Variants in ATXN7L1 observed in about 807,000 individuals in gnomAD.
ATXN7L1 encodes the protein ataxin 7 like 1, also known as ataxin-7-like protein 1.
A neutral mutation model predicts 70.8 loss-of-function variants in ATXN7L1; 15 were observed. The ratio of observed to expected loss-of-function variants is 0.21; its 90% CI spans 0.14 to 0.33. The LOEUF (loss-of-function observed/expected upper bound fraction) is 0.33, where lower values mean the gene tolerates loss of function less well. Ranked by LOEUF, ATXN7L1 falls within the 10% of genes least tolerant of loss-of-function variation. The pLI, the probability that ATXN7L1 is intolerant of heterozygous loss-of-function variation, is 1.00. For synonymous variants in ATXN7L1, 440 were observed against 445.1 expected (o/e 0.99, Z 0.14); for missense variants, 975 against 1,097.1 (o/e 0.89, Z 1.57).
intron 3 of ATXN7L1, among the ~76,000 whole-genome samples, chr7:105,736,568 C>T (rs895018683): frequency 3.9e-5 from 6 of 152,190 alleles, no homozygotes; most frequent in African/African-American, 1.4e-4. Flanking sequence ...CAAAGAATGG[C>T]TCTCTTACCC....
chr7:105,684,992 G>C (rs1805982007), intron 3 of ATXN7L1, among the ~76,000 whole-genome samples: 1 of 150,138 alleles, frequency 6.7e-6, no homozygotes, highest in African/African-American at 2.5e-5. Context: ...CTTTAAGCAG[G>C]GTATTACACA....
intron 10 of ATXN7L1, among the ~76,000 whole-genome samples, chr7:105,612,827 T>C (rs1447704764): frequency 3.3e-5 from 5 of 152,228 alleles, no homozygotes; most frequent in Non-Finnish European, 7.3e-5. Flanking sequence ...AGTGGTGACA[T>C]AAAACATTAA....
At chr7:105,656,378 G>A (rs576373692) in intron 4 of ATXN7L1, among the ~76,000 whole-genome samples, 60 of 152,332 alleles carry the variant, frequency 3.9e-4, no homozygotes, top group Middle Eastern at 6.8e-3. Flanking sequence ...ACTGTGAGAT[G>A]GTGGCCAGGT....
chr7:105,757,757 A>ATTT (rs5886368), intron 3 of ATXN7L1, among the ~76,000 whole-genome samples: 40 of 144,182 alleles, frequency 2.8e-4, no homozygotes, highest in Non-Finnish European at 4.0e-4. Flanking sequence ...TAATTTTGAC[A>ATTT]TTTTTTTTTT....
At chr7:105,640,853 C>A (rs941201371) in intron 5 of ATXN7L1, among the ~76,000 whole-genome samples, 1 of 152,234 alleles carries the variant, frequency 6.6e-6, no homozygotes, top group Non-Finnish European at 1.5e-5. Context: ...AATGACACAG[C>A]CCTCTGGGCA....
chr7:105,624,364 G>C (rs1795361315), intron 7 of ATXN7L1, 97 bp from the exon 8 acceptor site: 2 of 1,197,318 alleles, frequency 1.7e-6, no homozygotes, highest in Non-Finnish European at 2.1e-6. Context: ...AAAACAGCCT[G>C]ATTAAGGCCA....
chr7:105,727,767 T>TA lies in ATXN7L1; in HGVS notation c.355+60836dup, dbSNP rs1554442529. Among the ~76,000 whole-genome samples, 13 of 100,298 alleles carry TA rather than the reference T, an allele frequency of 1.3e-4. 1 individual carries two copies. Among genetic ancestry groups the TA allele is most frequent in the African/African-American group, 3.6e-4 (9 of 25,136 alleles). 65.8% of individuals were successfully genotyped at this position (100,298 alleles called of 152,430 possible). ...GTGTGTATATATATATATATATATA[T>TA]ATATATATATACACACACATACACA... On this transcript the variant is annotated intron_variant, in intron 3 of 11. Coordinates refer to ENST00000419735, the MANE Select transcript of ATXN7L1 (RefSeq NM_020725.2).
At chr7:105,674,420 T>C (rs755820174) in intron 3 of ATXN7L1, among the ~76,000 whole-genome samples, 1 of 152,246 alleles carries the variant, frequency 6.6e-6, no homozygotes, top group Non-Finnish European at 1.5e-5. Context: ...AACCCTACCA[T>C]GTGGTATGAT....
At chr7:105,628,437 G>T (rs1313077964) in intron 7 of ATXN7L1, among the ~76,000 whole-genome samples, 3 of 151,796 alleles carry the variant, frequency 2.0e-5, no homozygotes. Context: ...CCTATTTTTT[G>T]GTATTTTATT....
chr7:105,655,879 G>A (rs75945963), intron 4 of ATXN7L1, among the ~76,000 whole-genome samples: 4,703 of 152,278 alleles, frequency 0.031, 119 homozygotes, highest in East Asian at 0.082. Flanking sequence ...CCCACCTGCT[G>A]CAGGGCATGC....
chr7:105,776,780 T>C (rs1046541537), intron 3 of ATXN7L1, among the ~76,000 whole-genome samples: 3 of 152,136 alleles, frequency 2.0e-5, no homozygotes, highest in Admixed American at 1.3e-4. Context: ...CCAGACACTT[T>C]TTTTTTTGAG....
chr7:105,628,330 A>G (rs889347143), intron 7 of ATXN7L1, among the ~76,000 whole-genome samples: 5 of 152,190 alleles, frequency 3.3e-5, no homozygotes, highest in Non-Finnish European at 5.9e-5. Flanking sequence ...TTTTCTATAC[A>G]TGGGAAAAAT....
At chr7:105,868,907 G>C (rs1817862440) in intron 2 of ATXN7L1, among the ~76,000 whole-genome samples, 1 of 152,182 alleles carries the variant, frequency 6.6e-6, no homozygotes, top group African/African-American at 2.4e-5. Context: ...GTCCATTCTA[G>C]CTTCCTGTTG....
At chr7:105,810,786 T>C (rs1808325238) in intron 2 of ATXN7L1, among the ~76,000 whole-genome samples, 1 of 152,236 alleles carries the variant, frequency 6.6e-6, no homozygotes, top group African/African-American at 2.4e-5. Context: ...TGGGAAGCTA[T>C]GCAGGCTTTT....
At chr7:105,842,216 TTTA>T (rs1813324716) in intron 2 of ATXN7L1, among the ~76,000 whole-genome samples, 3 of 152,184 alleles carry the variant, frequency 2.0e-5, no homozygotes, top group Non-Finnish European at 4.4e-5. Context: ...TTTGAAAATT[TTTA>T]TTGAGGTAAA....
At chr7:105,723,959 C>T (rs1795497790) in intron 3 of ATXN7L1, among the ~76,000 whole-genome samples, 1 of 152,206 alleles carries the variant, frequency 6.6e-6, no homozygotes, top group Non-Finnish European at 1.5e-5. Context: ...CTGAAAGACA[C>T]TGCTCGATGT....
chr7:105,826,897 G>C (rs1273192090), intron 2 of ATXN7L1, among the ~76,000 whole-genome samples: 1 of 152,180 alleles, frequency 6.6e-6, no homozygotes, highest in African/African-American at 2.4e-5. Flanking sequence ...TTTTACAAGA[G>C]ACTTACAAAT....
chr7:105,623,224 G>T (rs554593459), intron 8 of ATXN7L1, among the ~76,000 whole-genome samples: 2 of 152,272 alleles, frequency 1.3e-5, no homozygotes, highest in South Asian at 4.1e-4. Context: ...CTTGATGCGG[G>T]ACCAGGATGG....
At position 105,788,289 on chromosome 7, in the gene ATXN7L1, C is replaced by T. The variant is rs1028831935; in HGVS notation, c.355+315G>A. ...AAAATGTCTGGCTGCAGGAGCGACT[C>T]CTTAAGCAGCTCTCCCCTCCCCTGG... On this transcript the variant is annotated intron_variant, in intron 3 of 11. Coordinates refer to ENST00000419735, the MANE Select transcript of ATXN7L1 (RefSeq NM_020725.2). 1.6e-4 allele frequency: 46 copies of T among 284,858 alleles called. No individual in the cohort carries two copies. The Admixed American group carries it at 1.9e-3, about 11-fold the overall frequency. 17.6% of individuals were successfully genotyped at this position (284,858 alleles called of 1,614,324 possible). A position where few individuals can be genotyped will look rare whatever the true frequency, so the allele number is the denominator to read the frequency against.
Sources: gnomAD v4.1 joint callset for allele counts (sites outside exome capture counted in the v4.1 genomes callset) on GRCh38, gnomAD v4.1.1 for gene constraint, MANE v1.5 for transcripts, NCBI Gene and HGNC (gene_info 2026-07-23, HGNC 2026-07-21) for gene names.